Variants in CRIM1 observed in about 807,000 individuals in gnomAD.
CRIM1 encodes cysteine-rich motor neuron 1 protein.
CRIM1 carries 32 observed loss-of-function variants against 116.4 expected under a neutral mutation model. That is an observed-to-expected ratio of 0.27 (90% CI 0.21 to 0.37). The LOEUF is 0.37. CRIM1 is among the 10% of genes least tolerant of loss of function. CRIM1 has a pLI of 1.00. For missense variants in CRIM1, 1,331 were observed against 1,354.8 expected (o/e 0.98, Z 0.28); for synonymous variants, 590 against 509.2 (o/e 1.16, Z -2.13).
At chr2:36,543,593 G>T (rs848606) in intron 14 of CRIM1, among the ~76,000 whole-genome samples, 55,744 of 151,946 alleles carry the variant, frequency 0.37, 10,590 homozygotes, top group South Asian at 0.5. Context: ...AACAGGTTCT[G>T]AAGAATTAAT....
At chr2:36,365,572 A>G (rs1266783656) in intron 1 of CRIM1, among the ~76,000 whole-genome samples, 2 of 152,166 alleles carry the variant, frequency 1.3e-5, no homozygotes, top group Non-Finnish European at 2.9e-5. Flanking sequence ...GTGGACTAAT[A>G]GTCGAGGTTG....
chr2:36,536,142 C>T (rs754543088), intron 13 of CRIM1, among the ~76,000 whole-genome samples: 1 of 152,220 alleles, frequency 6.6e-6, no homozygotes, highest in African/African-American at 2.4e-5. Context: ...GAGGCACTTC[C>T]AGCTGCCTCA....
chr2:36,358,689 C>T (rs1052616759), intron 1 of CRIM1, among the ~76,000 whole-genome samples: 2 of 152,044 alleles, frequency 1.3e-5, no homozygotes, highest in East Asian at 3.9e-4. Flanking sequence ...GATTATATCT[C>T]AATTAGTTTC....
At chr2:36,382,339 CG>C (rs2148338788) in intron 1 of CRIM1, among the ~76,000 whole-genome samples, 1 of 152,316 alleles carries the variant, frequency 6.6e-6, no homozygotes, top group African/African-American at 2.4e-5. Flanking sequence ...AAGTGGAAAG[CG>C]ATCCTAACTG....
At chr2:36,435,550 T>A (rs1430108674) in intron 2 of CRIM1, among the ~76,000 whole-genome samples, 1 of 152,118 alleles carries the variant, frequency 6.6e-6, no homozygotes, top group Non-Finnish European at 1.5e-5. Flanking sequence ...AATTTGCTTT[T>A]AAGCAGAAGC....
intron 13 of CRIM1, among the ~76,000 whole-genome samples, chr2:36,528,198 C>G (rs1021878865): frequency 6.6e-6 from 1 of 152,206 alleles, no homozygotes; most frequent in Admixed American, 6.5e-5. Context: ...TAGTGTCTCA[C>G]TGTTAAATGT....
intron 7 of CRIM1, among the ~76,000 whole-genome samples, chr2:36,495,839 C>A (rs1680547379): frequency 6.6e-6 from 1 of 151,908 alleles, no homozygotes; most frequent in Non-Finnish European, 1.5e-5. Context: ...ATATGTTTAA[C>A]AATAATGTGA....
chr2:36,390,529 T>G (rs1042363272), intron 1 of CRIM1, among the ~76,000 whole-genome samples: 1 of 152,146 alleles, frequency 6.6e-6, no homozygotes, highest in Non-Finnish European at 1.5e-5. Flanking sequence ...GTTACCAGAA[T>G]TAAACATAAC....
At chr2:36,490,018 C>G (rs1286156849) in intron 7 of CRIM1, among the ~76,000 whole-genome samples, 2 of 152,196 alleles carry the variant, frequency 1.3e-5, no homozygotes, top group Admixed American at 1.3e-4. Flanking sequence ...AAAGATAGCA[C>G]AGACCCACCC....
intron 1 of CRIM1, among the ~76,000 whole-genome samples, chr2:36,370,131 A>G (rs1461095811): frequency 1.3e-5 from 2 of 151,600 alleles, no homozygotes; most frequent in East Asian, 3.9e-4. Context: ...GTTAATTGGG[A>G]TATCTATAAG....
intron 1 of CRIM1, among the ~76,000 whole-genome samples, chr2:36,365,936 G>A (rs916891266): frequency 2.6e-5 from 4 of 152,138 alleles, no homozygotes; most frequent in Admixed American, 1.3e-4. Context: ...GTTTCACCAT[G>A]TTGGCCAGGA....
rs530451776 is a variant in CRIM1, at chr2:36,505,146, A to G, written c.1502-4837A>G. The stretch of plus-strand genomic sequence containing the variant: ...TATCAGGGTCAAAATTGGGACCACC[A>G]TTTGTAATGTTGCATTTCTTTACTT... On this transcript the variant is annotated intron_variant, in intron 8 of 16. Transcript: ENST00000280527. Among the ~76,000 whole-genome samples, 36 of 152,276 alleles carry G rather than the reference A, an allele frequency of 2.4e-4. 1 individual carries two copies. The South Asian group carries it at 7.3e-3, about 31-fold the overall frequency.
intron 8 of CRIM1, among the ~76,000 whole-genome samples, chr2:36,509,405 TAATCACAG>T (rs1681659593): frequency 6.6e-6 from 1 of 152,128 alleles, no homozygotes; most frequent in Non-Finnish European, 1.5e-5. Context: ...TGCATGCCTG[TAATCACAG>T]ATGCTTGGGA....
intron 8 of CRIM1, among the ~76,000 whole-genome samples, chr2:36,500,522 T>C (rs1368447263): frequency 6.6e-6 from 1 of 152,216 alleles, no homozygotes; most frequent in Non-Finnish European, 1.5e-5. Context: ...GTTTGATTTT[T>C]TTTTTAAACG....
intron 2 of CRIM1, among the ~76,000 whole-genome samples, chr2:36,422,658 T>G (rs2124866415): frequency 6.6e-6 from 1 of 152,324 alleles, no homozygotes; most frequent in African/African-American, 2.4e-5. Flanking sequence ...ATTCTTGAGG[T>G]AGAAAAATTA....
At chr2:36,522,502 G>A (rs1428416348) in intron 13 of CRIM1, among the ~76,000 whole-genome samples, 189 bp downstream of exon 13, 1 of 152,136 alleles carries the variant, frequency 6.6e-6, no homozygotes, top group Admixed American at 6.5e-5. Flanking sequence ...AGGAGGTGCT[G>A]TAAGAATAAA....
chr2:36,477,289 A>G (rs1290718546), intron 6 of CRIM1, among the ~76,000 whole-genome samples: 1 of 152,064 alleles, frequency 6.6e-6, no homozygotes, highest in Non-Finnish European at 1.5e-5. Flanking sequence ...GGTGTAGACA[A>G]TGGGTCACCT....
intron 1 of CRIM1, among the ~76,000 whole-genome samples, chr2:36,379,666 G>A (rs1485567721): frequency 6.6e-6 from 1 of 151,258 alleles, no homozygotes; most frequent in East Asian, 1.9e-4. Context: ...CTTAGTAAAT[G>A]AGTGTTCTGT....
At chr2:36,535,474 T>C (rs969590198) in intron 13 of CRIM1, among the ~76,000 whole-genome samples, 1 of 152,146 alleles carries the variant, frequency 6.6e-6, no homozygotes, top group African/African-American at 2.4e-5. Context: ...TCTACAAACA[T>C]AGGGAAGTGC....
Sources: gnomAD v4.1 joint callset for allele counts (sites outside exome capture counted in the v4.1 genomes callset) on GRCh38, gnomAD v4.1.1 for gene constraint, MANE v1.5 for transcripts, NCBI Gene and HGNC (gene_info 2026-07-23, HGNC 2026-07-21) for gene names.